Variants in PDE4D observed in about 807,000 individuals in gnomAD.
PDE4D encodes the protein phosphodiesterase 4D, also known as 3',5'-cyclic-AMP phosphodiesterase 4D.
Under a neutral mutation model 87.4 loss-of-function variants are expected in PDE4D, and 24 were observed. The ratio of observed to expected loss-of-function variants is 0.27; its 90% confidence interval spans 0.20 to 0.39. The LOEUF is 0.39. PDE4D is among the 10% of genes least tolerant of loss of function. The pLI is 1.00. For synonymous variants in PDE4D, 384 were observed against 383.2 expected, an observed-to-expected ratio of 1.00 and a Z score of -0.02; for missense variants, 714 against 1,041.0, an observed-to-expected ratio of 0.69 and a Z score of 4.32.
intron 1 of PDE4D, among the ~76,000 whole-genome samples, chr5:60,511,148 T>A (rs1485808551): frequency 6.6e-6 from 1 of 152,088 alleles, no homozygotes; most frequent in Non-Finnish European, 1.5e-5. Flanking sequence ...TTTTGTATTT[T>A]CAGTAGAGAC....
chr5:59,900,300 A>G (rs1377694901), intron 3 of PDE4D, among the ~76,000 whole-genome samples: 5 of 151,676 alleles, frequency 3.3e-5, no homozygotes, highest in Non-Finnish European at 7.4e-5. Context: ...ATATATATAC[A>G]CTATTTACTT....
chr5:59,627,759 T>C (rs1831065110), intron 1 of PDE4D, among the ~76,000 whole-genome samples: 1 of 152,222 alleles, frequency 6.6e-6, no homozygotes, highest in Admixed American at 6.5e-5. Context: ...AGATGTTTGC[T>C]AGCCTTTGGT....
At chr5:59,845,265 A>C (rs1743662324) in intron 1 of PDE4D, among the ~76,000 whole-genome samples, 1 of 152,056 alleles carries the variant, frequency 6.6e-6, no homozygotes, top group Non-Finnish European at 1.5e-5. Flanking sequence ...CAGCAATAGA[A>C]AACCAATGCA....
chr5:59,625,021 C>A (rs748349940), intron 1 of PDE4D, among the ~76,000 whole-genome samples: 1 of 152,144 alleles, frequency 6.6e-6, no homozygotes, highest in Non-Finnish European at 1.5e-5. Flanking sequence ...TGTTACTCCA[C>A]GGTTATATTA....
At chr5:59,689,486 T>G (rs1173671081) in intron 1 of PDE4D, among the ~76,000 whole-genome samples, 1 of 152,100 alleles carries the variant, frequency 6.6e-6, no homozygotes, top group Non-Finnish European at 1.5e-5. Context: ...ATTCTCTCAA[T>G]AGATGCAGAA....
intron 2 of PDE4D, among the ~76,000 whole-genome samples, chr5:59,199,368 C>A (rs1009461581): frequency 6.6e-6 from 1 of 151,658 alleles, no homozygotes; most frequent in Non-Finnish European, 1.5e-5. Context: ...CCTAGGATTA[C>A]AGGTGTGCAC....
intron 3 of PDE4D, among the ~76,000 whole-genome samples, chr5:59,930,176 A>T (rs1038215268): frequency 6.6e-6 from 1 of 151,766 alleles, no homozygotes; most frequent in Non-Finnish European, 1.5e-5. Flanking sequence ...AAAAAAAAAA[A>T]AAAAAAAAAA....
At chr5:59,584,758 C>A (rs981234882) in intron 1 of PDE4D, among the ~76,000 whole-genome samples, 3 of 152,128 alleles carry the variant, frequency 2.0e-5, no homozygotes, top group Admixed American at 6.5e-5. Context: ...AAAACTGTTG[C>A]TTTGTAGCAA....
intron 1 of PDE4D, chr5:59,356,858 A>G: frequency 6.5e-7 from 1 of 1,538,106 alleles, no homozygotes; most frequent in Non-Finnish European, 8.6e-7. Context: ...TTTAAGGACG[A>G]TGCCAAGATC....
intron 1 of PDE4D, among the ~76,000 whole-genome samples, chr5:59,450,466 T>G (rs370590025): frequency 6.6e-6 from 1 of 152,116 alleles, no homozygotes; most frequent in Non-Finnish European, 1.5e-5. Context: ...GGTGACTGAG[T>G]GCTCTAAAGA....
At chr5:60,299,411 G>A (rs540514878) in intron 1 of PDE4D, among the ~76,000 whole-genome samples, 4 of 152,158 alleles carry the variant, frequency 2.6e-5, no homozygotes, top group Non-Finnish European at 5.9e-5. Flanking sequence ...CAACTTTTAA[G>A]TTCAAGGGTA....
chr5:59,109,366 C>T (rs1169571115), intron 5 of PDE4D, among the ~76,000 whole-genome samples: 4 of 152,100 alleles, frequency 2.6e-5, no homozygotes, highest in Admixed American at 6.5e-5. Flanking sequence ...ATAATAAATG[C>T]TGAGAAAGAA....
At chr5:59,188,018 T>A (rs576636289) in intron 3 of PDE4D, among the ~76,000 whole-genome samples, 6 of 152,268 alleles carry the variant, frequency 3.9e-5, no homozygotes, top group African/African-American at 1.4e-4. Context: ...AGGGAGCATC[T>A]GTTACTGCAG....
intron 2 of PDE4D, among the ~76,000 whole-genome samples, chr5:60,165,239 A>G (rs1269165684): frequency 3.3e-5 from 5 of 152,196 alleles, no homozygotes; most frequent in African/African-American, 1.2e-4. Flanking sequence ...CTATCATAAA[A>G]ATAGTGCTGC....
chr5:60,436,183 T>G (rs766326262), intron 1 of PDE4D, among the ~76,000 whole-genome samples: 2 of 152,044 alleles, frequency 1.3e-5, no homozygotes, highest in Non-Finnish European at 2.9e-5. Context: ...AAAAATCTTT[T>G]GGGGAATGAC....
chr5:59,601,585 T>C (rs116641506), intron 1 of PDE4D, among the ~76,000 whole-genome samples: 423 of 152,236 alleles, frequency 2.8e-3, no homozygotes, highest in Non-Finnish European at 4.6e-3. Flanking sequence ...ACTGTCTTTC[T>C]TTTTCCTCTA....
intron 5 of PDE4D, among the ~76,000 whole-genome samples, chr5:59,050,925 G>A (rs1446261222): frequency 2.0e-5 from 3 of 152,206 alleles, no homozygotes; most frequent in South Asian, 2.1e-4. Flanking sequence ...GTTTAAATAA[G>A]TTAATTTTAA....
At chr5:59,608,675 A>G (rs1828557850) in intron 1 of PDE4D, among the ~76,000 whole-genome samples, 1 of 152,152 alleles carries the variant, frequency 6.6e-6, no homozygotes, top group Admixed American at 6.6e-5. Flanking sequence ...TTTACATAAG[A>G]GTAAGTAGCC....
At chr5:59,563,233 T>C (rs188753642) in intron 1 of PDE4D, among the ~76,000 whole-genome samples, 5 of 152,306 alleles carry the variant, frequency 3.3e-5, no homozygotes, top group Admixed American at 3.3e-4. Context: ...CCACACAAAG[T>C]GCTTAGCTGT....
Sources: allele counts gnomAD v4.1 joint callset (sites outside exome capture counted in the v4.1 genomes callset), GRCh38; gene constraint gnomAD v4.1.1; transcripts MANE v1.5; gene names NCBI Gene and HGNC (gene_info 2026-07-23, HGNC 2026-07-21).